Variants in ABL2 observed in about 807,000 individuals in gnomAD.
ABL2 encodes the protein ABL proto-oncogene 2, non-receptor tyrosine kinase.
A neutral mutation model predicts 107.7 loss-of-function variants in ABL2; 49 were observed. That is an observed-to-expected ratio of 0.45 (90% CI 0.36 to 0.58). The LOEUF is 0.58. ABL2 is among the 20% of genes least tolerant of loss of function. The pLI, the probability that ABL2 is intolerant of heterozygous loss-of-function variation, is 0.00. For missense variants in ABL2, 1,245 were observed against 1,457.0 expected, an observed-to-expected ratio of 0.85 and a Z score of 2.37; for synonymous variants, 549 against 548.6, an observed-to-expected ratio of 1.00 and a Z score of -0.01.
chr1:179,200,037 GC>G (rs200838677), intron 1 of ABL2, among the ~76,000 whole-genome samples: 21 of 89,418 alleles, frequency 2.3e-4, no homozygotes, highest in Admixed American at 3.0e-4. Context: ...GGCCCCCAAT[GC>G]CTTTTTTTTT....
At chr1:179,197,485 AT>A (rs1258468533) in intron 1 of ABL2, among the ~76,000 whole-genome samples, 1 of 151,722 alleles carries the variant, frequency 6.6e-6, no homozygotes, top group Non-Finnish European at 1.5e-5. Flanking sequence ...CAATTCACCA[AT>A]ACATTATAGT....
intron 1 of ABL2, among the ~76,000 whole-genome samples, chr1:179,203,746 T>G (rs953907005): frequency 1.3e-5 from 2 of 152,194 alleles, no homozygotes; most frequent in Non-Finnish European, 2.9e-5. Flanking sequence ...AGAATTCTTT[T>G]GTCAAATTAC....
chr1:179,176,631 T>C (rs1454366047), intron 1 of ABL2, among the ~76,000 whole-genome samples: 3 of 151,040 alleles, frequency 2.0e-5, no homozygotes, highest in African/African-American at 7.3e-5. Flanking sequence ...TCAAGTGCTA[T>C]TCAAGAAAAC....
chr1:179,116,955 T>G (rs1205240400), intron 8 of ABL2: 1 of 287,186 alleles, frequency 3.5e-6, no homozygotes, highest in African/African-American at 2.2e-5. Flanking sequence ...GCCTCAGCCT[T>G]CAGCCTCTTG....
intron 1 of ABL2, chr1:179,221,823 G>A (rs1429100906): frequency 8.4e-6 from 2 of 236,988 alleles, no homozygotes; most frequent in Non-Finnish European, 1.8e-5. Flanking sequence ...TTTCATACCA[G>A]GAGTGTCCTT....
At chr1:179,135,311 C>T (rs1466528019) in intron 1 of ABL2, among the ~76,000 whole-genome samples, 1 of 147,012 alleles carries the variant, frequency 6.8e-6, no homozygotes, top group Non-Finnish European at 1.5e-5. Flanking sequence ...GCCGCCATCA[C>T]ATCTGGGAAG....
chr1:179,126,791 C>CA lies in ABL2; in HGVS notation c.392-120_392-119insT, dbSNP rs1655764422. 1.8e-6 allele frequency: 2 copies of CA among 1,129,222 alleles called. No individual in the cohort carries two copies. Among genetic ancestry groups the CA allele is most frequent in the Non-Finnish European group, 2.4e-6 (2 of 822,480 alleles). The allele number at this position is 1,129,222 out of a possible 1,614,324, so 70.0% of individuals were successfully genotyped here. ...AAAAAAAGAATCTAGAACTTTTATG[C>CA]CAAATTTTTTTTTTAAATAATGAAA... is the stretch of plus-strand genomic sequence containing the variant. On this transcript the variant is annotated intron_variant, in intron 3 of 11. Coordinates refer to ENST00000502732, the MANE Select transcript of ABL2 (RefSeq NM_007314.4). This position sits in a 1 kb window ranked among gnomAD's most constrained non-coding sequence, Gnocchi z 4.4.
Position 179,109,073 on chromosome 1 carries a change from C to A in ABL2, c.2194G>T (p.Gly732Cys). ...GTGCCACTGCCCCCACCCCCACCAC[C>A]GTCGTCATTACAGAGGTTCCTCTGT... ...FAQRNLCNDD[G>C]GGGGGSGTAG... Residue 732 changes from glycine (G) to cysteine (C), a missense_variant, in exon 12 of 12, where the codon GGT becomes TGT. Physicochemically the swap from Gly to Cys is radical, Grantham distance 159 (BLOSUM62 -3). Transcript: ENST00000502732. The A allele has an allele frequency of 6.2e-7, 1 of 1,610,504 alleles. No individual in the cohort carries two copies. The highest frequency in any genetic ancestry group is 8.5e-7 in the Non-Finnish European group (1 of 1,179,172).
intron 1 of ABL2, among the ~76,000 whole-genome samples, chr1:179,209,325 A>G (rs892114297): frequency 7.2e-5 from 11 of 152,108 alleles, no homozygotes; most frequent in African/African-American, 2.7e-4. Flanking sequence ...TCATTAGATC[A>G]TTCTCCCTCT....
intron 1 of ABL2, among the ~76,000 whole-genome samples, chr1:179,203,980 T>C (rs954005321): frequency 6.6e-6 from 1 of 152,284 alleles, no homozygotes; most frequent in Non-Finnish European, 1.5e-5. Context: ...AAAGAGCTGA[T>C]GTGAGGATTA....
chr1:179,201,798 C>T, intron 1 of ABL2: 1 of 967,498 alleles, frequency 1.0e-6, no homozygotes, highest in South Asian at 1.4e-5. Flanking sequence ...TTGAGGTGGA[C>T]AGTTTGGCCA....
intron 1 of ABL2, among the ~76,000 whole-genome samples, chr1:179,148,900 GAAAAAAAAAAAAAGGA>G (rs1658192803): frequency 1.9e-5 from 2 of 107,438 alleles, no homozygotes; most frequent in East Asian, 2.5e-4. Context: ...ACTCCGTCTT[GAAAAAAAAAAAAAGGA>G]AAAAAAAAAA....
chr1:179,195,283 G>A (rs367980528), intron 1 of ABL2, among the ~76,000 whole-genome samples: 18 of 152,028 alleles, frequency 1.2e-4, no homozygotes, highest in African/African-American at 4.1e-4. Flanking sequence ...GTAAAACTCT[G>A]TCTCAAAAAA....
At chr1:179,223,658 T>C (rs1256197066) in intron 1 of ABL2, among the ~76,000 whole-genome samples, 2 of 151,902 alleles carry the variant, frequency 1.3e-5, no homozygotes, top group Non-Finnish European at 1.5e-5. Context: ...TTTAAAAGTT[T>C]AGTCTGCAGG....
At position 179,126,777 on chromosome 1, in the gene ABL2, C is replaced by A; in HGVS notation, c.392-105G>T. 2 of 1,186,012 alleles carry A rather than the reference C, an allele frequency of 1.7e-6. No homozygotes were observed. Among genetic ancestry groups the A allele is most frequent in the Non-Finnish European group, 2.3e-6 (2 of 874,430 alleles). 73.5% of individuals were successfully genotyped at this position (1,186,012 alleles called of 1,614,324 possible). A position where few individuals can be genotyped will look rare whatever the true frequency, so the allele number is the denominator to read the frequency against. On this transcript the variant is annotated intron_variant, in intron 3 of 11. Transcript: ENST00000502732. The surrounding 1 kb of genome is among the most constrained non-coding windows in gnomAD (Gnocchi z 4.4). ...AAACTCATTAAAAAAAAAAAAGAAT[C>A]TAGAACTTTTATGCCAAATTTTTTT...
intron 1 of ABL2, chr1:179,143,208 T>C (rs571367870): frequency 2.2e-5 from 22 of 1,018,748 alleles, no homozygotes; most frequent in Non-Finnish European, 2.9e-5. Context: ...CCAAAGTGGG[T>C]GGAGAGTGAC....
chr1:179,206,193 G>A (rs1661960271), intron 1 of ABL2, among the ~76,000 whole-genome samples: 2 of 152,046 alleles, frequency 1.3e-5, no homozygotes, highest in South Asian at 2.1e-4. Flanking sequence ...AATTAAAACT[G>A]TGATATTGGC....
At chr1:179,166,907 T>C (rs1480689628) in intron 1 of ABL2, among the ~76,000 whole-genome samples, 1 of 152,012 alleles carries the variant, frequency 6.6e-6, no homozygotes, top group East Asian at 1.9e-4. Context: ...AAATAACAGA[T>C]GCTGGTAAGA....
intron 3 of ABL2, among the ~76,000 whole-genome samples, chr1:179,130,726 T>TTTTTTTG (rs1553220073): frequency 1.2e-3 from 167 of 142,810 alleles, no homozygotes; most frequent in African/African-American, 4.2e-3. Context: ...ATTATTGATT[T>TTTTTTTG]TGTGTGTGTG....
Sources: allele counts gnomAD v4.1 joint callset (sites outside exome capture counted in the v4.1 genomes callset), GRCh38; gene constraint gnomAD v4.1.1; non-coding constraint Gnocchi (gnomAD v3.1); transcripts MANE v1.5; gene names NCBI Gene and HGNC (gene_info 2026-07-23, HGNC 2026-07-21).